WDR26: variants seen among roughly 807,000 people sequenced by gnomAD.
WDR26 encodes WD repeat-containing protein 26.
Under a neutral mutation model 84.1 loss-of-function variants are expected in WDR26, and 5 were observed. The observed-to-expected ratio is 0.06, with a 90% confidence interval of 0.03 to 0.13. The LOEUF (loss-of-function observed/expected upper bound fraction) is 0.13. WDR26 is among the 10% of genes least tolerant of loss of function. WDR26 has a pLI of 1.00. For synonymous variants in WDR26, 415 were observed against 389.6 expected, an observed-to-expected ratio of 1.07 and a Z score of -0.77; for missense variants, 642 against 974.9, an observed-to-expected ratio of 0.66 and a Z score of 4.55.
At chr1:224,419,294 T>A (rs974025560) in intron 5 of WDR26, among the ~76,000 whole-genome samples, 4 of 152,172 alleles carry the variant, frequency 2.6e-5, no homozygotes, top group Non-Finnish European at 4.4e-5. Context: ...CATCATCACA[T>A]AATACAAATG....
At chr1:224,431,339 T>C (rs1674385218) in intron 3 of WDR26, 138 bp downstream of exon 3, 2 of 683,534 alleles carry the variant, frequency 2.9e-6, no homozygotes, top group Non-Finnish European at 2.5e-6. Flanking sequence ...TAAAACATTA[T>C]ACTCATCCTA....
At chr1:224,433,611 C>T in intron 1 of WDR26, 73 bp downstream of exon 1, 3 of 860,420 alleles carry the variant, frequency 3.5e-6, no homozygotes, top group Non-Finnish European at 4.7e-6. Flanking sequence ...CCCCCCTCCG[C>T]CCCTTCCCCT....
Position 224,387,599 on chromosome 1 carries a change from G to C in WDR26, c.*2236C>G, listed in dbSNP as rs1348504739. The C allele has an allele frequency of 6.6e-6, 1 of 152,614 alleles. No individual in the cohort carries two copies. The highest frequency in any genetic ancestry group is 2.4e-5 in the African/African-American group (1 of 41,440). 9.5% of individuals were successfully genotyped at this position (152,614 alleles called of 1,614,324 possible). On this transcript the variant is annotated 3_prime_UTR_variant, in exon 14 of 14. Coordinates refer to ENST00000414423, the MANE Select transcript of WDR26 (RefSeq NM_001379403.1). ...GAAAACTCAGATCTAGGGGTGGTTA[G>C]GTGAAGTAGAGTAGAATCTGAGTGC...
At chr1:224,418,961 C>G (rs2102913460) in intron 5 of WDR26, among the ~76,000 whole-genome samples, 1 of 152,282 alleles carries the variant, frequency 6.6e-6, no homozygotes. Flanking sequence ...TACTGCAATC[C>G]TTGAATCCCT....
intron 4 of WDR26, among the ~76,000 whole-genome samples, 197 bp from the exon 5 acceptor site, chr1:224,419,812 T>C (rs1001766904): frequency 6.6e-6 from 1 of 152,162 alleles, no homozygotes; most frequent in African/African-American, 2.4e-5. Flanking sequence ...CCTATATATA[T>C]ATTACCTATT....
chr1:224,416,321 G>A (rs1054408877), intron 6 of WDR26, among the ~76,000 whole-genome samples: 5 of 151,778 alleles, frequency 3.3e-5, no homozygotes, highest in Non-Finnish European at 7.4e-5. Flanking sequence ...TCCGCCTCCT[G>A]GGTTCACACC....
chr1:224,416,956 T>C (rs1338089632), intron 6 of WDR26, among the ~76,000 whole-genome samples: 1 of 152,120 alleles, frequency 6.6e-6, no homozygotes, highest in African/African-American at 2.4e-5. Flanking sequence ...TTAAAAGGGA[T>C]AGGGGAAAAA....
rs150597595 is a variant in WDR26 at position 224,398,004 on chromosome 1, C to T, written c.2074+93G>A. ...TAAATGAAAGAATTTTAACTTACTA[C>T]CCTGAATTTTCTTGGAGACATGACT... On this transcript the variant is annotated intron_variant, in intron 12 of 13. Coordinates refer to ENST00000414423, the MANE Select transcript of WDR26 (RefSeq NM_001379403.1). 5.4e-6 allele frequency: 8 copies of T among 1,476,784 alleles called. No individual in the cohort carries two copies. The African/African-American group carries it at 7.2e-5, about 13-fold the overall frequency. The allele number at this position is 1,476,784 out of a possible 1,614,324, so 91.5% of individuals were successfully genotyped here. A position where few individuals can be genotyped will look rare whatever the true frequency, so the allele number is the denominator to read the frequency against.
At chr1:224,426,403 C>T (rs1674211595) in intron 3 of WDR26, among the ~76,000 whole-genome samples, 1 of 151,968 alleles carries the variant, frequency 6.6e-6, no homozygotes, top group Admixed American at 6.6e-5. Flanking sequence ...ATTTCTTTTG[C>T]TTGATACAAA....
chr1:224,434,736 T>A lies in WDR26; in HGVS notation c.-331A>T. 1.0e-6 allele frequency: 1 copy of A among 986,250 alleles called. No individual in the cohort carries two copies. Among genetic ancestry groups the A allele is most frequent in the Non-Finnish European group, 1.2e-6 (1 of 830,600 alleles). 61.1% of individuals were successfully genotyped at this position (986,250 alleles called of 1,614,324 possible). A position where few individuals can be genotyped will look rare whatever the true frequency, so the allele number is the denominator to read the frequency against. ...GCAGCGGAGGCAGCTGCCGCCTCTG[T>A]CCTCGGATCCGCTCCGCTCTGCTCC... On this transcript the variant is annotated 5_prime_UTR_variant, in exon 1 of 14. Coordinates refer to ENST00000414423, the MANE Select transcript of WDR26 (RefSeq NM_001379403.1).
At chr1:224,401,158 CTGGT>C in intron 8 of WDR26, 89 bp from the exon 9 acceptor site, 1 of 1,348,140 alleles carries the variant, frequency 7.4e-7, no homozygotes, top group Non-Finnish European at 1.0e-6. Context: ...GGATGTCTGG[CTGGT>C]TTCCCAGTTC....
chr1:224,409,209 A>G (rs1017899813), intron 7 of WDR26, among the ~76,000 whole-genome samples: 3 of 152,196 alleles, frequency 2.0e-5, no homozygotes, highest in Non-Finnish European at 4.4e-5. Context: ...CACTACTTCA[A>G]AATTCTGGTA....
intron 6 of WDR26, chr1:224,413,317 A>G: frequency 8.0e-7 from 1 of 1,243,932 alleles, no homozygotes; most frequent in South Asian, 1.3e-5. Flanking sequence ...TTAGAATTAC[A>G]TTTTGTCAAT....
Position 224,434,215 on chromosome 1 carries a change from G to A in WDR26, c.191C>T (p.Ser64Phe). ...CACCACTACCACCACGGAGGAGGAG[G>A]AGGAGGAGGAGGACGAGGACGACGA... The change falls in exon 1 of 14, where the codon TCC (serine) becomes TTC (phenylalanine). Residue 64 changes from serine to phenylalanine, a missense_variant. Coordinates refer to ENST00000414423, the MANE Select transcript of WDR26 (RefSeq NM_001379403.1). 2.1e-6 allele frequency: 3 copies of A among 1,398,396 alleles called. No individual in the cohort carries two copies. Among genetic ancestry groups the A allele is most frequent in the Non-Finnish European group, 2.8e-6 (3 of 1,080,662 alleles). 86.6% of individuals were successfully genotyped at this position (1,398,396 alleles called of 1,614,324 possible).
chr1:224,390,543 T>C (rs1673096726), intron 13 of WDR26, among the ~76,000 whole-genome samples: 1 of 152,234 alleles, frequency 6.6e-6, no homozygotes, highest in South Asian at 2.1e-4. Context: ...TAACGTGTTA[T>C]AACTATGGAG....
intron 7 of WDR26, among the ~76,000 whole-genome samples, chr1:224,409,206 T>C (rs1007475378): frequency 6.6e-6 from 1 of 152,204 alleles, no homozygotes; most frequent in Non-Finnish European, 1.5e-5. Flanking sequence ...CATCACTACT[T>C]CAAAATTCTG....
At chr1:224,391,223 G>C (rs35341841) in intron 13 of WDR26, among the ~76,000 whole-genome samples, 1 of 151,340 alleles carries the variant, frequency 6.6e-6, no homozygotes, top group African/African-American at 2.4e-5. Flanking sequence ...AAAATTAGCC[G>C]GGCGTGGTGA....
At chr1:224,389,889 G>A (rs754884049) in intron 13 of WDR26, 29 bp from the exon 14 acceptor site, 3 of 1,346,630 alleles carry the variant, frequency 2.2e-6, no homozygotes, top group Non-Finnish European at 3.0e-6. Flanking sequence ...AAATGTATGG[G>A]GGGCGGGCGG....
At chr1:224,431,440 A>C (rs750849413) in intron 3 of WDR26, 37 bp downstream of exon 3, 1 of 1,579,526 alleles carries the variant, frequency 6.3e-7, no homozygotes, top group Non-Finnish European at 8.7e-7. Context: ...TACTAAAATA[A>C]GCATAAATGT....
Sources: allele counts gnomAD v4.1 joint callset (sites outside exome capture counted in the v4.1 genomes callset), GRCh38; gene constraint gnomAD v4.1.1; transcripts MANE v1.5; gene names NCBI Gene and HGNC (gene_info 2026-07-23, HGNC 2026-07-21).